Variants in TRAPPC10 observed in about 807,000 individuals in gnomAD.
TRAPPC10 encodes trafficking protein particle complex subunit 10.
TRAPPC10 carries 23 observed loss-of-function variants against 125.5 expected under a neutral mutation model. The ratio of observed to expected loss-of-function variants is 0.18; its 90% CI spans 0.13 to 0.26. TRAPPC10 has a LOEUF of 0.26. Ranked by LOEUF, TRAPPC10 falls within the 10% of genes least tolerant of loss-of-function variation. TRAPPC10 has a pLI of 1.00. For missense variants in TRAPPC10, 1,123 were observed against 1,308.4 expected (o/e 0.86, Z 2.19); for synonymous variants, 509 against 518.0 (o/e 0.98, Z 0.24).
chr21:44,012,920 G>A (rs915750598), intron 1 of TRAPPC10, among the ~76,000 whole-genome samples: 6 of 152,084 alleles, frequency 3.9e-5, no homozygotes, highest in Admixed American at 6.5e-5. Flanking sequence ...GGACCTGGGG[G>A]CCCCGGCCTC....
chr21:44,020,109 A>G (rs559031132), intron 1 of TRAPPC10, among the ~76,000 whole-genome samples: 1 of 142,494 alleles, frequency 7.0e-6, no homozygotes, highest in South Asian at 2.2e-4. Context: ...ATGTTTGGAC[A>G]TTTTTCTTTT....
chr21:44,095,227 T>C (rs1482639207), intron 20 of TRAPPC10, among the ~76,000 whole-genome samples: 1 of 150,386 alleles, frequency 6.6e-6, no homozygotes, highest in Non-Finnish European at 1.5e-5. Flanking sequence ...ATTTTTATTT[T>C]ATTTTATTTA....
intron 3 of TRAPPC10, among the ~76,000 whole-genome samples, chr21:44,039,823 T>C (rs1161851250): frequency 1.3e-5 from 2 of 152,168 alleles, no homozygotes; most frequent in African/African-American, 2.4e-5. Context: ...GAGATCGTGC[T>C]ACTGCACTCT....
intron 1 of TRAPPC10, among the ~76,000 whole-genome samples, chr21:44,012,773 G>A (rs1469038206): frequency 1.3e-5 from 2 of 151,972 alleles, no homozygotes; most frequent in African/African-American, 2.4e-5. Context: ...GACCCCTGGG[G>A]GGCGCCCTCG....
In TRAPPC10 at chr21:44,063,244, C is replaced by G; in HGVS notation, c.791-294C>G. On this transcript the variant is annotated intron_variant, in intron 6 of 22. Transcript: ENST00000291574. This position sits in a 1 kb window ranked among gnomAD's most constrained non-coding sequence, Gnocchi z 4.4. ...CTCGGCCTGAGACAGAGCCTGAGCTCCCCTAACCATGTAGCCTGTCTGTCT... is the reference window on the plus strand; with the variant it reads ...CTCGGCCTGAGACAGAGCCTGAGCTGCCCTAACCATGTAGCCTGTCTGTCT... 7.9e-7 allele frequency: 1 copy of G among 1,258,018 alleles called. No homozygotes were observed. The highest frequency in any genetic ancestry group is 1.0e-6 in the Non-Finnish European group (1 of 983,472). The allele number at this position is 1,258,018 out of a possible 1,614,324, so 77.9% of individuals were successfully genotyped here.
chr21:44,046,857 C>T (rs551770900), intron 3 of TRAPPC10: 134 of 727,472 alleles, frequency 1.8e-4, no homozygotes, highest in South Asian at 1.7e-3. Flanking sequence ...CCCTCTGCAG[C>T]GAGGTACTCC....
In TRAPPC10 at chr21:44,055,091, C is replaced by T. The variant is rs532311185; in HGVS notation, c.483-607C>T. 3.3e-4 allele frequency among the ~76,000 whole-genome samples: 50 copies of T among 152,238 alleles called. No homozygotes were observed. The South Asian group carries it at 7.5e-3, about 23-fold the overall frequency. On this transcript the variant is annotated intron_variant, in intron 4 of 22. Coordinates refer to ENST00000291574, the MANE Select transcript of TRAPPC10 (RefSeq NM_003274.5). The stretch of plus-strand genomic sequence containing the variant: ...GAAGGAGGCAGGGAACTGAGTGAGG[C>T]GTGATCACATTATTTTACAGAGGAC...
intron 9 of TRAPPC10, 111 bp from the exon 10 acceptor site, chr21:44,076,441 T>C: frequency 1.3e-6 from 1 of 784,080 alleles, no homozygotes; most frequent in South Asian, 1.6e-5. Flanking sequence ...GGTTTGTAAT[T>C]TCACAAGAGT....
intron 1 of TRAPPC10, among the ~76,000 whole-genome samples, chr21:44,015,026 G>C (rs1315424418): frequency 6.6e-6 from 1 of 152,080 alleles, no homozygotes; most frequent in African/African-American, 2.4e-5. Context: ...AAGGTGGTAT[G>C]AACAATTGCT....
At chr21:44,031,990 AC>A in intron 1 of TRAPPC10, 100 bp from the exon 2 acceptor site, 1 of 933,312 alleles carries the variant, frequency 1.1e-6, no homozygotes, top group Non-Finnish European at 1.7e-6. Context: ...GCTTTACTAA[AC>A]ATAAAACTAC....
intron 2 of TRAPPC10, among the ~76,000 whole-genome samples, chr21:44,036,450 C>A (rs1250569717): frequency 1.3e-5 from 2 of 152,206 alleles, no homozygotes; most frequent in East Asian, 1.9e-4. Context: ...CGTGTGGGGG[C>A]CAGGATGGCC....
At chr21:44,073,121 A>AT (rs929175982) in intron 7 of TRAPPC10, among the ~76,000 whole-genome samples, 30 of 151,564 alleles carry the variant, frequency 2.0e-4, no homozygotes, top group Middle Eastern at 3.4e-3. Context: ...ACCTACACTG[A>AT]TTTTTTTTTC....
intron 10 of TRAPPC10, among the ~76,000 whole-genome samples, chr21:44,077,074 C>G (rs989098268): frequency 2.0e-5 from 3 of 152,122 alleles, no homozygotes; most frequent in African/African-American, 2.4e-5. Context: ...TTGGTCTGCC[C>G]GTAATGGCTG....
chr21:44,046,879 G>A (rs1198254352), intron 3 of TRAPPC10: 6 of 799,128 alleles, frequency 7.5e-6, no homozygotes, highest in African/African-American at 1.7e-5. Context: ...GGATGGCTGT[G>A]TTGTACACAG....
chr21:44,049,182 C>T (rs986522039), intron 3 of TRAPPC10, among the ~76,000 whole-genome samples: 7 of 152,152 alleles, frequency 4.6e-5, no homozygotes, highest in African/African-American at 9.7e-5. Flanking sequence ...CACACGTGTA[C>T]GTGCACACAT....
At chr21:44,064,959 ACT>A (rs1370214981) in intron 7 of TRAPPC10, among the ~76,000 whole-genome samples, 1 of 151,874 alleles carries the variant, frequency 6.6e-6, no homozygotes, top group Non-Finnish European at 1.5e-5. Context: ...GGATTTAGAG[ACT>A]CTGCCTGGGT....
intron 3 of TRAPPC10, among the ~76,000 whole-genome samples, chr21:44,039,425 G>A (rs1355037515): frequency 6.6e-6 from 1 of 152,180 alleles, no homozygotes. Context: ...GATGTTTTAG[G>A]TTCTGGGAGC....
intron 1 of TRAPPC10, among the ~76,000 whole-genome samples, chr21:44,020,059 A>G (rs566959786): frequency 1.4e-5 from 2 of 141,846 alleles, no homozygotes; most frequent in South Asian, 2.2e-4. Context: ...CCTGTTTGCA[A>G]TTTTTTTTTT....
At chr21:44,084,360 C>A in intron 15 of TRAPPC10, 97 bp downstream of exon 15, 1 of 1,282,804 alleles carries the variant, frequency 7.8e-7, no homozygotes, top group African/African-American at 1.5e-5. Flanking sequence ...TTAGCTGTGT[C>A]TGCCTTTAAG....
Sources: allele counts gnomAD v4.1 joint callset (sites outside exome capture counted in the v4.1 genomes callset), GRCh38; gene constraint gnomAD v4.1.1; non-coding constraint Gnocchi (gnomAD v3.1); transcripts MANE v1.5; gene names NCBI Gene and HGNC (gene_info 2026-07-23, HGNC 2026-07-21).